Variants in PREP observed in about 807,000 individuals in gnomAD.
The protein encoded by PREP is dJ355L5.1 (prolyl endopeptidase).
Under a neutral mutation model 87.6 loss-of-function variants are expected in PREP, and 29 were observed. The observed-to-expected ratio is 0.33, with a 90% CI of 0.25 to 0.45. PREP has a LOEUF of 0.45. PREP is among the 20% of genes least tolerant of loss of function. The probability of loss-of-function intolerance (pLI) is 1.00; values close to 1 mark genes in which losing one functional copy is unlikely to be tolerated. For synonymous variants in PREP, 337 were observed against 328.6 expected (o/e 1.03, Z -0.28); for missense variants, 695 against 886.5 (o/e 0.78, Z 2.74).
rs762135684 is a variant in PREP at position 105,278,108 on chromosome 6, T to C, written c.*36A>G. 6.3e-7 allele frequency: 1 copy of C among 1,576,008 alleles called. No homozygotes were observed. Among genetic ancestry groups the C allele is most frequent in the Non-Finnish European group, 8.6e-7 (1 of 1,157,688 alleles). On this transcript the variant is annotated 3_prime_UTR_variant, in exon 15 of 15. Transcript: ENST00000652536. This position sits in a 1 kb window ranked among gnomAD's most constrained non-coding sequence, Gnocchi z 4.2. ...TGTCAACGTGGGAAAGCCCTTGAGG[T>C]TTTCTGTCGCTGTCAGGAGGAAGCA...
chr6:105,310,935 C>G (rs1367871809), intron 10 of PREP, among the ~76,000 whole-genome samples: 1 of 152,168 alleles, frequency 6.6e-6, no homozygotes, highest in Non-Finnish European at 1.5e-5. Flanking sequence ...CCTACACAAC[C>G]CACTGCCAAC....
At chr6:105,354,890 A>G (rs1583077054) in intron 6 of PREP, among the ~76,000 whole-genome samples, 1 of 152,346 alleles carries the variant, frequency 6.6e-6, no homozygotes, top group East Asian at 1.9e-4. Context: ...CTCCTTCAAT[A>G]AACACTTGCT....
At chr6:105,373,229 A>C in intron 5 of PREP, 140 bp downstream of exon 5, 1 of 932,638 alleles carries the variant, frequency 1.1e-6, no homozygotes, top group Non-Finnish European at 1.6e-6. Context: ...TACACAGCAA[A>C]GCCAACTGAT....
intron 10 of PREP, among the ~76,000 whole-genome samples, chr6:105,315,932 T>C (rs1480297026): frequency 6.6e-6 from 1 of 152,248 alleles, no homozygotes; most frequent in East Asian, 1.9e-4. Flanking sequence ...GGATTAGGCC[T>C]TGGCTTAAGG....
chr6:105,339,464 CA>C (rs1562206338), intron 7 of PREP, among the ~76,000 whole-genome samples: 1 of 152,182 alleles, frequency 6.6e-6, no homozygotes, highest in African/African-American at 2.4e-5. Flanking sequence ...TTCTAAAAAT[CA>C]GAGCTCCTCT....
rs146521064 is a variant in PREP at position 105,274,297 on chromosome 6, C to CG, written c.*3846dup. Reference sequence around the variant, plus strand: ...TCCTCACATGGTGGAAGGGATGGGGCGGGGGGGTCTCTCCTTGGGCTCTAA... The same window carrying CG: ...TCCTCACATGGTGGAAGGGATGGGGCGGGGGGGGTCTCTCCTTGGGCTCTAA... On this transcript the variant is annotated 3_prime_UTR_variant, in exon 15 of 15. Coordinates refer to ENST00000652536, the MANE Select transcript of PREP (RefSeq NM_002726.5). 0.03 allele frequency among the ~76,000 whole-genome samples: 4,439 copies of CG among 145,996 alleles called. 219 individuals carry two copies. The highest frequency in any genetic ancestry group is 0.1 in the African/African-American group (4,159 of 40,360).
Position 105,278,412 on chromosome 6 carries a change from A to G in PREP, c.1865T>C (p.Leu622Ser), listed in dbSNP as rs1402734926. Reference sequence around the variant, plus strand: ...GTACTGGATGTCATCTGCTTCTGGTAACTTCACATTATGCAATGGAGAGTA... The same window carrying G: ...GTACTGGATGTCATCTGCTTCTGGTGACTTCACATTATGCAATGGAGAGTA... ...VKYSPLHNVK[L>S]PEADDIQYPS... The change falls in exon 15 of 15, where the codon TTA (leucine) becomes TCA (serine). Residue 622 changes from leucine (L) to serine (S), a missense_variant. This residue lies in a region of PREP where 121 missense variants were observed against 154.8 expected (regional missense o/e 0.78). Coordinates refer to ENST00000652536, the MANE Select transcript of PREP (RefSeq NM_002726.5). This position sits in a 1 kb window ranked among gnomAD's most constrained non-coding sequence, Gnocchi z 4.2. The G allele has an allele frequency of 1.2e-6, 2 of 1,613,584 alleles. No individual in the cohort carries two copies. The highest frequency in any genetic ancestry group is 1.7e-6 in the Non-Finnish European group (2 of 1,179,498).
intron 6 of PREP, among the ~76,000 whole-genome samples, chr6:105,354,609 T>C (rs1375147132): frequency 1.3e-5 from 2 of 151,714 alleles, no homozygotes; most frequent in Admixed American, 6.6e-5. Context: ...GTGGGACTCA[T>C]CCAATCAGTT....
intron 9 of PREP, among the ~76,000 whole-genome samples, chr6:105,326,933 A>G (rs1771175744): frequency 6.6e-6 from 1 of 152,202 alleles, no homozygotes; most frequent in South Asian, 2.1e-4. Context: ...GTCACGGGTA[A>G]TATTTCATTG....
chr6:105,303,232 T>C (rs991370755), intron 10 of PREP, among the ~76,000 whole-genome samples: 2 of 152,140 alleles, frequency 1.3e-5, no homozygotes, highest in Non-Finnish European at 2.9e-5. Context: ...ATGCAGCTAA[T>C]TTTTTATTTT....
At chr6:105,305,200 A>G (rs943917764) in intron 10 of PREP, among the ~76,000 whole-genome samples, 1 of 152,212 alleles carries the variant, frequency 6.6e-6, no homozygotes, top group South Asian at 2.1e-4. Context: ...AATAGAACAG[A>G]AGAGAACTGT....
At chr6:105,396,073 A>G (rs1773279401) in intron 2 of PREP, among the ~76,000 whole-genome samples, 1 of 152,186 alleles carries the variant, frequency 6.6e-6, no homozygotes, top group African/African-American at 2.4e-5. Context: ...AGCCTTCACC[A>G]TTCCTAAAGA....
At chr6:105,402,418 TCACACACACACACACA>T (rs36086068) in intron 1 of PREP, among the ~76,000 whole-genome samples, 1 of 147,130 alleles carries the variant, frequency 6.8e-6, no homozygotes, top group Non-Finnish European at 1.5e-5. Context: ...AAATGTGACA[TCACACACACACACACA>T]CACACACACA....
At chr6:105,306,792 C>T (rs1309739445) in intron 10 of PREP, among the ~76,000 whole-genome samples, 1 of 151,366 alleles carries the variant, frequency 6.6e-6, no homozygotes, top group East Asian at 1.9e-4. Context: ...TCCCTGGAAC[C>T]TGACTCTAAT....
intron 10 of PREP, among the ~76,000 whole-genome samples, chr6:105,308,934 G>A (rs750780768): frequency 6.6e-6 from 1 of 151,938 alleles, no homozygotes; most frequent in Non-Finnish European, 1.5e-5. Flanking sequence ...GAGAGCGAAG[G>A]AGTCTCTGAT....
chr6:105,316,176 A>G (rs553633677), intron 10 of PREP, among the ~76,000 whole-genome samples: 1 of 152,300 alleles, frequency 6.6e-6, no homozygotes, highest in South Asian at 2.1e-4. Context: ...AATAATTTCT[A>G]GCTTTTGATT....
chr6:105,373,330 T>A (rs747236642), intron 5 of PREP, 39 bp downstream of exon 5: 2 of 1,593,480 alleles, frequency 1.3e-6, no homozygotes, highest in African/African-American at 2.7e-5. Context: ...TCACACTTCA[T>A]TTTGTGAAAA....
At chr6:105,288,970 G>T (rs923762638) in intron 10 of PREP, 76 bp from the exon 11 acceptor site, 10 of 1,426,136 alleles carry the variant, frequency 7.0e-6, no homozygotes, top group Non-Finnish European at 9.7e-6. Flanking sequence ...GGGAAAAATA[G>T]TAAATTCTCT....
intron 10 of PREP, among the ~76,000 whole-genome samples, chr6:105,292,074 T>C (rs546120376): frequency 1.3e-5 from 2 of 152,330 alleles, no homozygotes; most frequent in Admixed American, 6.5e-5. Flanking sequence ...CTTTGAAATC[T>C]TGAACCCTTC....
Sources: allele counts gnomAD v4.1 joint callset (sites outside exome capture counted in the v4.1 genomes callset), GRCh38; gene constraint gnomAD v4.1.1; regional missense constraint gnomAD v4.1.1; non-coding constraint Gnocchi (gnomAD v3.1); transcripts MANE v1.5; gene names NCBI Gene and HGNC (gene_info 2026-07-23, HGNC 2026-07-21).